The following TAF8 variants were observed in gnomAD, a reference collection of about 807,000 sequenced individuals.
TAF8 encodes the protein transcription initiation factor TFIID subunit 8.
TAF8 carries 47 observed loss-of-function variants against 36.5 expected under a neutral mutation model. That is an observed-to-expected ratio of 1.29 (90% CI 1.02 to 1.64). TAF8 has a LOEUF of 1.64. TAF8 is among the 40% of genes most tolerant of loss of function. The pLI, the probability that TAF8 is intolerant of heterozygous loss-of-function variation, is 0.00. For synonymous variants in TAF8, 175 were observed against 159.5 expected, an observed-to-expected ratio of 1.10 and a Z score of -0.73; for missense variants, 420 against 407.6, an observed-to-expected ratio of 1.03 and a Z score of -0.26.
At chr6:42,069,172 C>T (rs917262605) in intron 7 of TAF8, among the ~76,000 whole-genome samples, 34 of 152,044 alleles carry the variant, frequency 2.2e-4, no homozygotes, top group African/African-American at 8.0e-4. Flanking sequence ...AGAGGGCCCA[C>T]GGGGAGTCAG....
chr6:42,077,848 C>T lies in TAF8; in HGVS notation c.*303C>T. 2.2e-6 allele frequency: 2 copies of T among 896,428 alleles called. No homozygotes were observed. Among genetic ancestry groups the T allele is most frequent in the Non-Finnish European group, 2.9e-6 (2 of 683,646 alleles). 55.5% of individuals were successfully genotyped at this position (896,428 alleles called of 1,614,324 possible). A position where few individuals can be genotyped will look rare whatever the true frequency, so the allele number is the denominator to read the frequency against. On this transcript the variant is annotated 3_prime_UTR_variant, in exon 9 of 9. Transcript: ENST00000372977. ...TCAGCTCACTGCAGTCTCAGCAACCCTGGGTCCAAGTGATTCTCCTGCCTT... is the reference window on the plus strand; with the variant it reads ...TCAGCTCACTGCAGTCTCAGCAACCTTGGGTCCAAGTGATTCTCCTGCCTT...
In TAF8 at chr6:42,057,370, A is replaced by G. The variant is rs1765030247; in HGVS notation, c.365-19A>G. 6.2e-7 allele frequency: 1 copy of G among 1,614,004 alleles called. No individual in the cohort carries two copies. Among genetic ancestry groups the G allele is most frequent in the Non-Finnish European group, 8.5e-7 (1 of 1,179,992 alleles). ...CAGGGTCTTGGGTGGAGGGGTAATC[A>G]GTTGTGACTCTGTTGCAGCTCCGGT... On this transcript the variant is annotated intron_variant, in intron 4 of 8. Coordinates refer to ENST00000372977, the MANE Select transcript of TAF8 (RefSeq NM_138572.3).
intron 7 of TAF8, chr6:42,071,489 C>T: frequency 6.1e-6 from 1 of 163,254 alleles, no homozygotes; most frequent in Non-Finnish European, 1.3e-5. Flanking sequence ...CCACGCCCGG[C>T]TAATTTTTGT....
In TAF8 at chr6:42,078,987, T is replaced by G. The variant is rs1765843650; in HGVS notation, c.*1442T>G. 1 of 544,572 alleles carries G rather than the reference T, an allele frequency of 1.8e-6. No individual in the cohort carries two copies. The highest frequency in any genetic ancestry group is 2.1e-5 in the African/African-American group (1 of 48,654). The allele number at this position is 544,572 out of a possible 1,614,324, so 33.7% of individuals were successfully genotyped here. A position where few individuals can be genotyped will look rare whatever the true frequency, so the allele number is the denominator to read the frequency against. On this transcript the variant is annotated 3_prime_UTR_variant, in exon 9 of 9. Coordinates refer to ENST00000372977, the MANE Select transcript of TAF8 (RefSeq NM_138572.3). The stretch of plus-strand genomic sequence containing the variant: ...AAATACAAAAATTAGCCGGGTGTGG[T>G]TACTCATGCCTGTAATCCCAGCTAC...
rs1470922640 is a variant in TAF8, at chr6:42,080,418, G to C, written c.*2873G>C. ...ACGGCATCTCACTCTTATCGCCCAG[G>C]CTGGAGTGCAATGGCGTGATCTCGG... On this transcript the variant is annotated 3_prime_UTR_variant, in exon 9 of 9. Transcript: ENST00000372977. 1.1e-6 allele frequency: 1 copy of C among 941,686 alleles called. No individual in the cohort carries two copies. Among genetic ancestry groups the C allele is most frequent in the African/African-American group, 1.8e-5 (1 of 55,612 alleles). The allele number at this position is 941,686 out of a possible 1,614,324, so 58.3% of individuals were successfully genotyped here. A position where few individuals can be genotyped will look rare whatever the true frequency, so the allele number is the denominator to read the frequency against.
At chr6:42,052,963 G>C (rs1210498901) in intron 2 of TAF8, among the ~76,000 whole-genome samples, 1 of 152,206 alleles carries the variant, frequency 6.6e-6, no homozygotes, top group African/African-American at 2.4e-5. Context: ...ACCCCAGGAA[G>C]GGTGATCTTG....
Position 42,050,560 on chromosome 6 carries a change from A to T in TAF8, c.19A>T (p.Thr7Ser). The T allele has an allele frequency of 1.4e-6, 2 of 1,426,092 alleles. No homozygotes were observed. Among genetic ancestry groups the T allele is most frequent in the South Asian group, 1.2e-5 (1 of 82,550 alleles). The allele number at this position is 1,426,092 out of a possible 1,614,324, so 88.3% of individuals were successfully genotyped here. A position where few individuals can be genotyped will look rare whatever the true frequency, so the allele number is the denominator to read the frequency against. Residue 7 changes from threonine to serine, a missense_variant, in exon 1 of 9, where the codon ACA becomes TCA. By Grantham distance (58) the Thr-to-Ser change is moderately conservative. Coordinates refer to ENST00000372977, the MANE Select transcript of TAF8 (RefSeq NM_138572.3). ...GAACAAGATGGCCGACGCGGCGGCC[A>T]CAGCTGGGGCCGGTGGCTCCGGAAC... MADAAA[T>S]AGAGGSGTRS... is the part of the protein sequence containing the mutation.
intron 6 of TAF8, 25 bp downstream of exon 6, chr6:42,066,484 C>T: frequency 6.2e-7 from 1 of 1,612,502 alleles, no homozygotes; most frequent in Non-Finnish European, 8.5e-7. Flanking sequence ...ACTGTGTGGA[C>T]CCTGTCTTAT....
Position 42,078,508 on chromosome 6 carries a change from G to A in TAF8, c.*963G>A, listed in dbSNP as rs539646547. The stretch of plus-strand genomic sequence containing the variant: ...GAAAAGTTCTTTGTACTCCCTCAAC[G>A]TGTCGGAAACAGGAGGCCACACAGC... On this transcript the variant is annotated 3_prime_UTR_variant, in exon 9 of 9. Coordinates refer to ENST00000372977, the MANE Select transcript of TAF8 (RefSeq NM_138572.3). 1.0e-5 allele frequency: 10 copies of A among 985,488 alleles called. No homozygotes were observed. In the East Asian group the frequency reaches 3.4e-4, roughly 34 times the overall value. The allele number at this position is 985,488 out of a possible 1,614,324, so 61.0% of individuals were successfully genotyped here. A position where few individuals can be genotyped will look rare whatever the true frequency, so the allele number is the denominator to read the frequency against.
At position 42,057,455 on chromosome 6, in the gene TAF8, C is replaced by T. The variant is rs374681523; in HGVS notation, c.431C>T (p.Pro144Leu). The stretch of plus-strand genomic sequence containing the variant: ...GCAGGGCAGAACCGACCCCACCCGC[C>T]GCACATCCCCAGCCATTTTCCTGAG... Reference protein sequence around the residue: ...LTAGQNRPHPPHIPSHFPEFP... With the variant: ...LTAGQNRPHPLHIPSHFPEFP... The change falls in exon 5 of 9, where the codon CCG becomes CTG. Residue 144 changes from proline to leucine, a missense_variant. Transcript: ENST00000372977. 72 of 1,614,104 alleles carry T rather than the reference C, an allele frequency of 4.5e-5. No homozygotes were observed. The highest frequency in any genetic ancestry group is 1.6e-4 in the Middle Eastern group (1 of 6,062).
intron 7 of TAF8, among the ~76,000 whole-genome samples, chr6:42,070,993 G>C (rs1330615447): frequency 1.3e-5 from 2 of 152,142 alleles, no homozygotes. Flanking sequence ...CTGCTCACCG[G>C]TGTGTCATAC....
chr6:42,053,397 C>T (rs1009937502), intron 2 of TAF8, among the ~76,000 whole-genome samples: 6 of 151,912 alleles, frequency 3.9e-5, no homozygotes, highest in African/African-American at 1.5e-4. Context: ...AACCCTGTCT[C>T]TACTAAAAAT....
At chr6:42,075,139 A>G (rs1421989857) in intron 7 of TAF8, among the ~76,000 whole-genome samples, 6 of 152,190 alleles carry the variant, frequency 3.9e-5, no homozygotes, top group Non-Finnish European at 8.8e-5. Context: ...TAGAGAAATG[A>G]TAGGATGGAC....
At chr6:42,057,300 T>C in intron 4 of TAF8, 89 bp from the exon 5 acceptor site, 2 of 1,574,908 alleles carry the variant, frequency 1.3e-6, no homozygotes, top group Non-Finnish European at 8.6e-7. Context: ...CTGGCATTTT[T>C]TTGAGAAAAG....
intron 5 of TAF8, among the ~76,000 whole-genome samples, chr6:42,058,627 G>A (rs375515123): frequency 6.6e-6 from 1 of 152,178 alleles, no homozygotes; most frequent in African/African-American, 2.4e-5. Flanking sequence ...GGGTGGGGGA[G>A]AGGGAATAGT....
At chr6:42,083,304 C>T (rs577140014), downstream of TAF8, 10 of 152,340 alleles carry the variant, frequency 6.6e-5, no homozygotes, top group African/African-American at 2.4e-4. Flanking sequence ...TCTACCATAA[C>T]TTATTTCCCA....
chr6:42,050,528 T>C lies in TAF8; in HGVS notation c.-14T>C. On this transcript the variant is annotated 5_prime_UTR_variant, in exon 1 of 9. Transcript: ENST00000372977. The stretch of plus-strand genomic sequence containing the variant: ...CATCGCGCCCCGCGCTCGCGCACAC[T>C]ACGCCAGAACAAGATGGCCGACGCG... 1 of 1,305,900 alleles carries C rather than the reference T, an allele frequency of 7.7e-7. No homozygotes were observed. The highest frequency in any genetic ancestry group is 1.0e-6 in the Non-Finnish European group (1 of 992,806). The allele number at this position is 1,305,900 out of a possible 1,614,324, so 80.9% of individuals were successfully genotyped here.
At chr6:42,086,064 G>A (rs1252035556), downstream of TAF8, among the ~76,000 whole-genome samples, 2 of 152,214 alleles carry the variant, frequency 1.3e-5, no homozygotes, top group Non-Finnish European at 2.9e-5. Context: ...GCCAGACGCC[G>A]AATCAGCCTT....
At chr6:42,065,088 G>A (rs1405620025) in intron 5 of TAF8, among the ~76,000 whole-genome samples, 2 of 152,004 alleles carry the variant, frequency 1.3e-5, no homozygotes, top group Non-Finnish European at 2.9e-5. Flanking sequence ...ACTCACACCT[G>A]TAATCCCAGC....
Sources: allele counts gnomAD v4.1 joint callset (sites outside exome capture counted in the v4.1 genomes callset), GRCh38; gene constraint gnomAD v4.1.1; transcripts MANE v1.5; gene names NCBI Gene and HGNC (gene_info 2026-07-23, HGNC 2026-07-21).